Variants in DRC11 observed in about 807,000 individuals in gnomAD.
DRC11 encodes dynein regulatory complex subunit 11, also known as IQ and AAA domain-containing protein 1.
At chr2:236,357,451 TTA>T in the DRC11 span, among the ~76,000 whole-genome samples, 84 of 126,454 alleles carry the variant, frequency 6.6e-4, no homozygotes, top group East Asian at 4.9e-3. Context: ...TATTTATAAA[TTA>T]TATATATTTA....
the DRC11 span, among the ~76,000 whole-genome samples, chr2:236,405,920 G>A: frequency 1.6e-4 from 24 of 152,266 alleles, no homozygotes; most frequent in South Asian, 2.1e-3. The surrounding 1 kb of genome is among the most constrained non-coding windows in gnomAD (Gnocchi z 4.6). Flanking sequence ...CAAAACTCAG[G>A]AATTTTCCAT....
chr2:236,480,144 C>T, the DRC11 span, among the ~76,000 whole-genome samples: 1 of 149,744 alleles, frequency 6.7e-6, no homozygotes, highest in Non-Finnish European at 1.5e-5. Context: ...TTATTTGCTT[C>T]TTTTCTCTTG....
the DRC11 span, among the ~76,000 whole-genome samples, chr2:236,428,674 AAAAAAAAT>A: frequency 6.6e-6 from 1 of 152,180 alleles, no homozygotes; most frequent in South Asian, 2.1e-4. Context: ...TGGGTAATTT[AAAAAAAAT>A]CCATTCAGCC....
At chr2:236,423,405 C>T in the DRC11 span, among the ~76,000 whole-genome samples, 2 of 152,192 alleles carry the variant, frequency 1.3e-5, no homozygotes, top group African/African-American at 2.4e-5. Context: ...TGAACAGACA[C>T]TTCTCAAAAG....
the DRC11 span, among the ~76,000 whole-genome samples, chr2:236,340,258 G>T: frequency 2.0e-5 from 3 of 152,170 alleles, no homozygotes; most frequent in South Asian, 2.1e-4. Flanking sequence ...CTGAGTAGCT[G>T]GGATTACAGG....
At chr2:236,495,900 G>A in the DRC11 span, among the ~76,000 whole-genome samples, 1 of 152,294 alleles carries the variant, frequency 6.6e-6, no homozygotes, top group African/African-American at 2.4e-5. The surrounding 1 kb of genome is among the most constrained non-coding windows in gnomAD (Gnocchi z 5.6). Context: ...ACAATGGCAT[G>A]TCCTTTAGGA....
chr2:236,477,367 A>G, the DRC11 span, among the ~76,000 whole-genome samples: 1 of 152,256 alleles, frequency 6.6e-6, no homozygotes. Context: ...CATAAGAAAG[A>G]GAAGATTATT....
the DRC11 span, among the ~76,000 whole-genome samples, chr2:236,462,115 A>G: frequency 1.3e-5 from 2 of 152,120 alleles, no homozygotes; most frequent in Non-Finnish European, 2.9e-5. This position sits in a 1 kb window ranked among gnomAD's most constrained non-coding sequence, Gnocchi z 6.4. Flanking sequence ...GGCGGTGCTC[A>G]TCTTCCCACC....
At chr2:236,390,439 T>C in the DRC11 span, among the ~76,000 whole-genome samples, 1 of 152,230 alleles carries the variant, frequency 6.6e-6, no homozygotes, top group African/African-American at 2.4e-5. The surrounding 1 kb of genome is among the most constrained non-coding windows in gnomAD (Gnocchi z 5.9). Context: ...TTTTGATTGG[T>C]GAGTTTAATC....
At chr2:236,460,617 AT>A in the DRC11 span, among the ~76,000 whole-genome samples, 1 of 152,020 alleles carries the variant, frequency 6.6e-6, no homozygotes, top group Admixed American at 6.6e-5. This position sits in a 1 kb window ranked among gnomAD's most constrained non-coding sequence, Gnocchi z 4.0. Flanking sequence ...AATAACACTT[AT>A]TTTTTCTACT....
the DRC11 span, chr2:236,408,949 C>A: frequency 4.0e-5 from 28 of 700,470 alleles, no homozygotes; most frequent in South Asian, 3.8e-4. This position sits in a 1 kb window ranked among gnomAD's most constrained non-coding sequence, Gnocchi z 5.5. Context: ...AGGAAGGCTG[C>A]GAAGTGGACC....
At chr2:236,394,272 G>A in the DRC11 span, among the ~76,000 whole-genome samples, 1 of 152,216 alleles carries the variant, frequency 6.6e-6, no homozygotes, top group Non-Finnish European at 1.5e-5. This position sits in a 1 kb window ranked among gnomAD's most constrained non-coding sequence, Gnocchi z 7.0. Flanking sequence ...AGTGGTCAGA[G>A]TCAGGACCCT....
At chr2:236,348,282 A>T in the DRC11 span, among the ~76,000 whole-genome samples, 1 of 152,218 alleles carries the variant, frequency 6.6e-6, no homozygotes, top group Non-Finnish European at 1.5e-5. The surrounding 1 kb of genome is among the most constrained non-coding windows in gnomAD (Gnocchi z 7.4). Flanking sequence ...ATCCAGGAGA[A>T]AATGTAGGGT....
chr2:236,385,053 G>A, the DRC11 span, among the ~76,000 whole-genome samples: 4 of 151,764 alleles, frequency 2.6e-5, no homozygotes, highest in African/African-American at 4.8e-5. Flanking sequence ...ATGCTGTTTT[G>A]GTTACTGTAG....
the DRC11 span, chr2:236,507,126 G>A: frequency 1.1e-5 from 9 of 839,732 alleles, no homozygotes; most frequent in African/African-American, 1.4e-4. Context: ...GAAAAAAAGT[G>A]GGGGAGAGGA....
chr2:236,421,468 G>T, the DRC11 span, among the ~76,000 whole-genome samples: 3 of 145,510 alleles, frequency 2.1e-5, no homozygotes, highest in Admixed American at 2.1e-4. Flanking sequence ...AGAAGAAATG[G>T]ATAAATTCCT....
At chr2:236,429,684 G>A in the DRC11 span, among the ~76,000 whole-genome samples, 1 of 152,066 alleles carries the variant, frequency 6.6e-6, no homozygotes, top group East Asian at 1.9e-4. This position sits in a 1 kb window ranked among gnomAD's most constrained non-coding sequence, Gnocchi z 5.9. Flanking sequence ...AGGAGATGTG[G>A]TGATTTAGGC....
At chr2:236,444,483 T>C in the DRC11 span, among the ~76,000 whole-genome samples, 1 of 152,188 alleles carries the variant, frequency 6.6e-6, no homozygotes, top group African/African-American at 2.4e-5. Context: ...GAACAGATCT[T>C]GAAGGCCCCC....
the DRC11 span, among the ~76,000 whole-genome samples, chr2:236,342,084 G>A: frequency 3.9e-5 from 6 of 152,206 alleles, no homozygotes; most frequent in East Asian, 5.8e-4. The surrounding 1 kb of genome is among the most constrained non-coding windows in gnomAD (Gnocchi z 5.8). Flanking sequence ...CTCTTATTGC[G>A]GGAGGGGCCT....
Sources: allele counts gnomAD v4.1 joint callset (sites outside exome capture counted in the v4.1 genomes callset), GRCh38; gene constraint gnomAD v4.1.1; non-coding constraint Gnocchi (gnomAD v3.1); transcripts MANE v1.5; gene names NCBI Gene and HGNC (gene_info 2026-07-23, HGNC 2026-07-21).